PTPRO: variants seen among roughly 807,000 people sequenced by gnomAD.
The protein encoded by PTPRO is protein tyrosine phosphatase receptor type O, also known as receptor-type tyrosine-protein phosphatase O.
Under a neutral mutation model 145.2 loss-of-function variants are expected in PTPRO, and 62 were observed. The observed-to-expected ratio is 0.43, with a 90% CI of 0.35 to 0.53. PTPRO has a LOEUF of 0.53. PTPRO is among the 20% of genes least tolerant of loss of function. The pLI is 0.01. For synonymous variants in PTPRO, 565 were observed against 514.7 expected (o/e 1.10, Z -1.32); for missense variants, 1,345 against 1,482.7 (o/e 0.91, Z 1.53).
chr12:15,387,213 G>A (rs1458584568), intron 1 of PTPRO, among the ~76,000 whole-genome samples: 2 of 152,104 alleles, frequency 1.3e-5, no homozygotes, highest in African/African-American at 4.8e-5. Flanking sequence ...CATTTACTCA[G>A]TGATCAGAAT....
Position 15,557,454 on chromosome 12 carries a change from G to A in PTPRO, c.2559-1G>A. On this transcript the variant is annotated splice_acceptor_variant, in intron 15 of 26. Transcript: ENST00000281171. LOFTEE classifies it high-confidence loss of function. ...TTGATTTTGTGGTTCCTTTAAAACA[G>A]GGAGTGTGGAGCTGGTACATTTGTC... 1 of 1,613,602 alleles carries A rather than the reference G, an allele frequency of 6.2e-7. No homozygotes were observed. The highest frequency in any genetic ancestry group is 8.5e-7 in the Non-Finnish European group (1 of 1,179,538).
intron 16 of PTPRO, among the ~76,000 whole-genome samples, chr12:15,559,515 G>A (rs1943719965): frequency 6.6e-6 from 1 of 152,154 alleles, no homozygotes; most frequent in Admixed American, 6.5e-5. Context: ...TTGAAGTGAA[G>A]CTAAACTATT....
Position 15,581,722 on chromosome 12 carries a change from C to T in PTPRO, c.3176C>T (p.Ala1059Val), listed in dbSNP as rs1343642394. The change falls in exon 23 of 27, where the codon GCC becomes GTC. Residue 1059 changes from alanine (A) to valine (V), a missense_variant. This residue lies in a region of PTPRO where 208 missense variants were observed against 242.8 expected (regional missense o/e 0.86). Coordinates refer to ENST00000281171, the MANE Select transcript of PTPRO (RefSeq NM_030667.3). ...HYWPFTEEPI[A>V]YGDITVEMIS... Reference sequence around the variant, plus strand: ...TGGCCATTCACGGAAGAACCTATAGCCTATGGAGACATCACTGTGGAGATG... The same window carrying T: ...TGGCCATTCACGGAAGAACCTATAGTCTATGGAGACATCACTGTGGAGATG... 4 of 1,613,828 alleles carry T rather than the reference C, an allele frequency of 2.5e-6. No homozygotes were observed. The highest frequency in any genetic ancestry group is 3.4e-6 in the Non-Finnish European group (4 of 1,179,900).
intron 1 of PTPRO, among the ~76,000 whole-genome samples, chr12:15,388,415 C>A (rs1049292589): frequency 1.8e-4 from 27 of 152,058 alleles, no homozygotes; most frequent in Non-Finnish European, 3.2e-4. Context: ...AAGCTTTTTT[C>A]TTCCCGTGTT....
At chr12:15,341,231 A>AT (rs1866972389) in intron 1 of PTPRO, among the ~76,000 whole-genome samples, 1 of 152,108 alleles carries the variant, frequency 6.6e-6, no homozygotes, top group Non-Finnish European at 1.5e-5. Context: ...AGGATATGTT[A>AT]TTTTTCCTTT....
intron 7 of PTPRO, among the ~76,000 whole-genome samples, chr12:15,513,590 G>A (rs953187860): frequency 6.6e-6 from 1 of 152,186 alleles, no homozygotes; most frequent in South Asian, 2.1e-4. Context: ...GTGCGAAAAG[G>A]TTTAAAATTC....
chr12:15,326,355 T>C (rs1254271963), intron 1 of PTPRO, among the ~76,000 whole-genome samples: 1 of 152,330 alleles, frequency 6.6e-6, no homozygotes, highest in Non-Finnish European at 1.5e-5. Context: ...CCCCAGTAGG[T>C]TGGCAAAGGC....
At chr12:15,489,254 A>G (rs972831353) in intron 2 of PTPRO, among the ~76,000 whole-genome samples, 5 of 152,180 alleles carry the variant, frequency 3.3e-5, no homozygotes, top group Non-Finnish European at 7.3e-5. Flanking sequence ...GACCCCCAAG[A>G]GGGTGCTTGG....
intron 1 of PTPRO, among the ~76,000 whole-genome samples, chr12:15,457,998 T>G (rs1350627514): frequency 6.6e-6 from 1 of 152,216 alleles, no homozygotes; most frequent in Non-Finnish European, 1.5e-5. Flanking sequence ...TCATTTTGTT[T>G]CAACTTAAAG....
intron 12 of PTPRO, among the ~76,000 whole-genome samples, chr12:15,537,646 A>G (rs1002625643): frequency 6.6e-6 from 1 of 152,172 alleles, no homozygotes. Context: ...GAATAGAAGA[A>G]TCCAAGAATT....
intron 1 of PTPRO, among the ~76,000 whole-genome samples, chr12:15,425,573 T>C (rs751012808): frequency 9.2e-5 from 14 of 152,174 alleles, no homozygotes; most frequent in Non-Finnish European, 1.5e-4. Flanking sequence ...ATTCTTATAA[T>C]TTTATACTTC....
Position 15,592,657 on chromosome 12 carries a change from C to G in PTPRO, c.3547-2280C>G, listed in dbSNP as rs1333673058. 1.3e-5 allele frequency among the ~76,000 whole-genome samples: 2 copies of G among 152,210 alleles called. 1 individual carries two copies. Among genetic ancestry groups the G allele is most frequent in the Middle Eastern group, 6.3e-3 (2 of 316 alleles). On this transcript the variant is annotated intron_variant, in intron 25 of 26. Coordinates refer to ENST00000281171, the MANE Select transcript of PTPRO (RefSeq NM_030667.3). ...ACCCTGAGGGGAGCCTGAATCTCCACTTTACTGCTGCACAAGTCATGTCAC... is the reference window on the plus strand; with the variant it reads ...ACCCTGAGGGGAGCCTGAATCTCCAGTTTACTGCTGCACAAGTCATGTCAC...
intron 1 of PTPRO, among the ~76,000 whole-genome samples, chr12:15,475,473 C>A (rs1055366759): frequency 1.3e-4 from 20 of 152,100 alleles, no homozygotes; most frequent in African/African-American, 4.1e-4. Context: ...AGATATGAAG[C>A]ACAATATGTA....
intron 23 of PTPRO, among the ~76,000 whole-genome samples, chr12:15,583,651 C>A (rs994041313): frequency 1.3e-5 from 2 of 152,196 alleles, no homozygotes. Context: ...CTACATCAAG[C>A]TTGAGTAGCT....
Position 15,508,592 on chromosome 12 carries a change from A to C in PTPRO, c.1289A>C (p.Glu430Ala), listed in dbSNP as rs754865532. The C allele has an allele frequency of 3.7e-6, 6 of 1,614,060 alleles. No homozygotes were observed. Among genetic ancestry groups the C allele is most frequent in the Non-Finnish European group, 5.1e-6 (6 of 1,179,972 alleles). ...GCAGGTCCTTCAGGAGAGTGGATTG[A>C]AGAACTGACCGAGAAGCCGCAGCAC... ...FYISPSGEWIEELTEKPQHVS... is the reference protein window; with the variant it reads ...FYISPSGEWIAELTEKPQHVS... Residue 430 changes from glutamate to alanine, a missense_variant, in exon 7 of 27, where the codon GAA becomes GCA. Physicochemically the swap from Glu to Ala is moderately radical, Grantham distance 107. Around this residue, in one of 3 missense-constraint regions of PTPRO, gnomAD observed 1,130 missense variants for 1,214.7 expected, o/e 0.93. Transcript: ENST00000281171.
chr12:15,471,744 T>C (rs1340952697), intron 1 of PTPRO, among the ~76,000 whole-genome samples: 2 of 152,214 alleles, frequency 1.3e-5, no homozygotes, highest in Non-Finnish European at 2.9e-5. Context: ...TTCTGATGCA[T>C]GCTTGTTGCC....
At chr12:15,387,825 C>G (rs551415171) in intron 1 of PTPRO, among the ~76,000 whole-genome samples, 3 of 152,180 alleles carry the variant, frequency 2.0e-5, no homozygotes, top group Non-Finnish European at 4.4e-5. Flanking sequence ...GAGTGGTCTT[C>G]AAACTCAAAA....
chr12:15,461,260 T>C (rs1941293878), intron 1 of PTPRO, among the ~76,000 whole-genome samples: 2 of 152,162 alleles, frequency 1.3e-5, no homozygotes, highest in Admixed American at 1.3e-4. Flanking sequence ...AATTTTCAAA[T>C]CTACCTGTAA....
chr12:15,370,608 A>G (rs1407440628), intron 1 of PTPRO, among the ~76,000 whole-genome samples: 2 of 152,212 alleles, frequency 1.3e-5, no homozygotes, highest in Non-Finnish European at 2.9e-5. Flanking sequence ...TATATGTATG[A>G]GAGGTGTCAT....
Sources: gnomAD v4.1 joint callset for allele counts (sites outside exome capture counted in the v4.1 genomes callset) on GRCh38, gnomAD v4.1.1 for gene constraint, gnomAD v4.1.1 regional missense constraint, MANE v1.5 for transcripts, NCBI Gene and HGNC (gene_info 2026-07-23, HGNC 2026-07-21) for gene names.